TMPRSS11F: variants seen among roughly 807,000 people sequenced by gnomAD.
TMPRSS11F encodes transmembrane protease serine 11F.
Under a neutral mutation model 60.2 loss-of-function variants are expected in TMPRSS11F, and 47 were observed. The ratio of observed to expected loss-of-function variants is 0.78; its 90% CI spans 0.62 to 1.00. The LOEUF (loss-of-function observed/expected upper bound fraction) is 1.00. Ranked by LOEUF, TMPRSS11F falls within the 50% of genes least tolerant of loss-of-function variation. The pLI is 0.00. For synonymous variants in TMPRSS11F, 166 were observed against 167.3 expected, an observed-to-expected ratio of 0.99 and a Z score of 0.06; for missense variants, 519 against 522.9, an observed-to-expected ratio of 0.99 and a Z score of 0.07.
intron 3 of TMPRSS11F, among the ~76,000 whole-genome samples, chr4:68,079,307 A>C (rs1263859974): frequency 1.3e-5 from 2 of 152,086 alleles, no homozygotes; most frequent in African/African-American, 4.8e-5. Context: ...AGCCATCTTT[A>C]GATCTTGTGT....
At chr4:68,080,917 G>A (rs772530965) in intron 3 of TMPRSS11F, 1 of 152,074 alleles carries the variant, frequency 6.6e-6, no homozygotes, top group Non-Finnish European at 1.5e-5. Context: ...TTTTAGATAA[G>A]GTTTTTAGCT....
chr4:68,096,435 C>A (rs1724076926), intron 2 of TMPRSS11F, among the ~76,000 whole-genome samples: 4 of 151,858 alleles, frequency 2.6e-5, no homozygotes, highest in Admixed American at 2.6e-4. Flanking sequence ...AAAATGATAC[C>A]CAAGTAGCAT....
chr4:68,106,202 T>C (rs919037643), intron 1 of TMPRSS11F, among the ~76,000 whole-genome samples: 1 of 152,200 alleles, frequency 6.6e-6, no homozygotes, highest in African/African-American at 2.4e-5. Context: ...GTCACAGTAA[T>C]GGAGTACACA....
intron 3 of TMPRSS11F, among the ~76,000 whole-genome samples, chr4:68,081,699 T>A (rs1237972442): frequency 6.6e-6 from 1 of 152,362 alleles, no homozygotes; most frequent in African/African-American, 2.4e-5. Flanking sequence ...ACTAGTCATT[T>A]TTTTTAACTT....
At chr4:68,068,430 A>G (rs1359069366) in intron 7 of TMPRSS11F, among the ~76,000 whole-genome samples, 188 bp downstream of exon 7, 1 of 152,196 alleles carries the variant, frequency 6.6e-6, no homozygotes, top group East Asian at 1.9e-4. Context: ...ATCTGTAAGA[A>G]CTACAAATGA....
In TMPRSS11F at chr4:68,077,868, G is replaced by C. The variant is rs550746630; in HGVS notation, c.283-3859C>G. Among the ~76,000 whole-genome samples the C allele has an allele frequency of 2.0e-5, 3 of 152,324 alleles. No individual in the cohort carries two copies. In the East Asian group the frequency reaches 5.8e-4, roughly 29 times the overall value. ...AAGGGCTGCCAGCTCCTGCAGCCTA[G>C]CACCTTAGGTAGTGGGCGGTGTGCC... is the stretch of plus-strand genomic sequence containing the variant. On this transcript the variant is annotated intron_variant, in intron 3 of 9. Transcript: ENST00000356291.
chr4:68,053,791 G>T lies in TMPRSS11F; in HGVS notation c.*118C>A. 1 of 1,043,416 alleles carries T rather than the reference G, an allele frequency of 9.6e-7. No individual in the cohort carries two copies. The highest frequency in any genetic ancestry group is 1.4e-6 in the Non-Finnish European group (1 of 718,562). 64.6% of individuals were successfully genotyped at this position (1,043,416 alleles called of 1,614,324 possible). ...CAGGATATTAGATTTGTCTGGGTCT[G>T]AAGGGCTTCTTGACATCTAGCAAAA... On this transcript the variant is annotated 3_prime_UTR_variant, in exon 10 of 10. Transcript: ENST00000356291.
At chr4:68,103,711 C>T (rs982893787) in intron 1 of TMPRSS11F, among the ~76,000 whole-genome samples, 4 of 151,912 alleles carry the variant, frequency 2.6e-5, no homozygotes, top group Non-Finnish European at 4.4e-5. Context: ...AATGAGATTT[C>T]GATAGGGATT....
rs1312354240 is a variant in TMPRSS11F, at chr4:68,059,438, C to G, written c.1046G>C (p.Arg349Thr). ...GPIQNTLRQARVETISTDVCN... is the reference protein window; with the variant it reads ...GPIQNTLRQATVETISTDVCN... ...CACATCAGTGCTTATGGTTTCCACT[C>G]TGGCTTGCCGAAGTGTATTTTGTAT... The change falls in exon 9 of 10, where the codon AGA becomes ACA. Residue 349 changes from arginine (R) to threonine (T), a missense_variant. Arg to Thr is a moderately conservative substitution (Grantham distance 71). Transcript: ENST00000356291. The G allele has an allele frequency of 1.2e-6, 2 of 1,613,800 alleles. No individual in the cohort carries two copies. The highest frequency in any genetic ancestry group is 2.7e-5 in the African/African-American group (2 of 75,004).
In TMPRSS11F at chr4:68,121,057, A is replaced by G. The variant is rs144050147; in HGVS notation, c.11+8753T>C. ...AGTGGTCTGGAATAGAACCTGCAATATCTTCAGGGTGTGCATGTATTAAGT... is the reference window on the plus strand; with the variant it reads ...AGTGGTCTGGAATAGAACCTGCAATGTCTTCAGGGTGTGCATGTATTAAGT... On this transcript the variant is annotated intron_variant, in intron 1 of 9. Transcript: ENST00000356291. 1.8e-3 allele frequency among the ~76,000 whole-genome samples: 269 copies of G among 152,334 alleles called. 2 individuals carry two copies. Among genetic ancestry groups the G allele is most frequent in the African/African-American group, 6.3e-3 (263 of 41,578 alleles).
intron 1 of TMPRSS11F, among the ~76,000 whole-genome samples, chr4:68,110,656 C>G (rs187445700): frequency 5.5e-4 from 84 of 152,136 alleles, no homozygotes; most frequent in South Asian, 1.7e-3. Flanking sequence ...ATAACAGTAT[C>G]TACTTGATAT....
At chr4:68,097,381 G>C (rs1445262761) in intron 2 of TMPRSS11F, among the ~76,000 whole-genome samples, 1 of 152,006 alleles carries the variant, frequency 6.6e-6, no homozygotes, top group East Asian at 1.9e-4. Flanking sequence ...TCATTCCTTT[G>C]CTGATGGTCC....
At chr4:68,081,452 T>C (rs1385642397) in intron 3 of TMPRSS11F, among the ~76,000 whole-genome samples, 1 of 152,228 alleles carries the variant, frequency 6.6e-6, no homozygotes, top group Admixed American at 6.5e-5. Flanking sequence ...AGCATTGGCT[T>C]TGAGGTGTGG....
chr4:68,060,024 T>C (rs903945591), intron 8 of TMPRSS11F, among the ~76,000 whole-genome samples: 1 of 152,140 alleles, frequency 6.6e-6, no homozygotes, highest in African/African-American at 2.4e-5. Context: ...GAGGAGAGGA[T>C]ACTGCACAGT....
In TMPRSS11F at chr4:68,059,446, C is replaced by T; in HGVS notation, c.1038G>A (p.Arg346=). 2 of 1,613,154 alleles carry T rather than the reference C, an allele frequency of 1.2e-6. No individual in the cohort carries two copies. The highest frequency in any genetic ancestry group is 1.1e-5 in the South Asian group (1 of 91,004). The change falls in exon 9 of 10, where the codon CGG becomes CGA. Residue 346 remains arginine, a synonymous_variant. Coordinates refer to ENST00000356291, the MANE Select transcript of TMPRSS11F (RefSeq NM_207407.2). The part of the protein sequence containing the change: ...VDDGPIQNTL[R]QARVETISTD... ...TGCTTATGGTTTCCACTCTGGCTTG[C>T]CGAAGTGTATTTTGTATAGGTCCTA... is the stretch of plus-strand genomic sequence containing the variant.
chr4:68,102,072 C>T (rs1158017898), intron 1 of TMPRSS11F, among the ~76,000 whole-genome samples: 1 of 152,060 alleles, frequency 6.6e-6, no homozygotes, highest in Non-Finnish European at 1.5e-5. Flanking sequence ...AGAGATAATG[C>T]AATATTTTTC....
chr4:68,099,061 G>C (rs1380819019), intron 1 of TMPRSS11F, 23 bp from the exon 2 acceptor site: 1 of 1,591,976 alleles, frequency 6.3e-7, no homozygotes, highest in South Asian at 1.1e-5. Flanking sequence ...AAAGAAAATA[G>C]AGACAATAAA....
intron 3 of TMPRSS11F, among the ~76,000 whole-genome samples, chr4:68,085,454 G>T (rs1201248686): frequency 6.6e-6 from 1 of 152,000 alleles, no homozygotes; most frequent in Non-Finnish European, 1.5e-5. Flanking sequence ...GTATCTCATA[G>T]TGGTTTTGAT....
intron 1 of TMPRSS11F, among the ~76,000 whole-genome samples, chr4:68,108,078 G>A (rs1724338346): frequency 1.3e-5 from 2 of 152,170 alleles, no homozygotes; most frequent in African/African-American, 4.8e-5. Flanking sequence ...ACTGATTAGG[G>A]GACCCTTGCA....
Sources: allele counts gnomAD v4.1 joint callset (sites outside exome capture counted in the v4.1 genomes callset), GRCh38; gene constraint gnomAD v4.1.1; transcripts MANE v1.5; gene names NCBI Gene and HGNC (gene_info 2026-07-23, HGNC 2026-07-21).